The following ANO5 variants were observed in gnomAD, a reference collection of about 807,000 sequenced individuals.
The protein encoded by ANO5 is anoctamin 5, also known as anoctamin-5.
In ANO5, 109 loss-of-function variants were observed where a neutral mutation model predicts 121.0. That is an observed-to-expected ratio of 0.90 (90% CI 0.77 to 1.06). ANO5 has a LOEUF of 1.06. Ranked by LOEUF, ANO5 falls within the 50% of genes least tolerant of loss-of-function variation. The pLI, the probability that ANO5 is intolerant of heterozygous loss-of-function variation, is 0.00. For synonymous variants in ANO5, 406 were observed against 359.9 expected (o/e 1.13, Z -1.45); for missense variants, 1,064 against 1,078.5 (o/e 0.99, Z 0.19).
In ANO5 at chr11:22,199,440, A is replaced by G. The variant is rs1330924107; in HGVS notation, c.41-4364A>G. ...AGTACATTACTACACCATATAATTG[A>G]GGTTCTATTAGCAAAGAAGGAGGAG... On this transcript the variant is annotated intron_variant, in intron 1 of 21. Coordinates refer to ENST00000324559, the MANE Select transcript of ANO5 (RefSeq NM_213599.3). Among the ~76,000 whole-genome samples the G allele has an allele frequency of 2.6e-5, 4 of 152,086 alleles. No individual in the cohort carries two copies. In the South Asian group the frequency reaches 8.3e-4, roughly 32 times the overall value.
chr11:22,235,477 GA>G (rs1853183860), intron 7 of ANO5, among the ~76,000 whole-genome samples: 1 of 151,990 alleles, frequency 6.6e-6, no homozygotes, highest in Admixed American at 6.6e-5. Flanking sequence ...CTTGAATGGT[GA>G]AATGTAAAAG....
chr11:22,194,618 C>T (rs1851752524), intron 1 of ANO5, among the ~76,000 whole-genome samples: 1 of 152,192 alleles, frequency 6.6e-6, no homozygotes, highest in Non-Finnish European at 1.5e-5. Context: ...TCCCCACTTC[C>T]TACCAGTAAT....
rs1181735591 is a variant in ANO5, at chr11:22,281,296, A to G, written c.*1531A>G. ...AAATTATTGTGGTACTGCCAGTATT[A>G]AATATATGGCAGATGGTATTAACTA... On this transcript the variant is annotated 3_prime_UTR_variant, in exon 22 of 22. Transcript: ENST00000324559. The G allele has an allele frequency of 6.6e-6, 1 of 152,070 alleles. No individual in the cohort carries two copies. The highest frequency in any genetic ancestry group is 1.5e-5 in the Non-Finnish European group (1 of 67,914). 9.4% of individuals were successfully genotyped at this position (152,070 alleles called of 1,614,324 possible).
At chr11:22,272,671 TGTC>T (rs1854664881) in intron 18 of ANO5, 110 bp from the exon 19 acceptor site, 1 of 947,738 alleles carries the variant, frequency 1.1e-6, no homozygotes, top group East Asian at 2.6e-5. Flanking sequence ...AAGCCTGGAT[TGTC>T]GTATTCGTGT....
At chr11:22,244,038 GGT>G (rs1055161059) in intron 9 of ANO5, among the ~76,000 whole-genome samples, 1 of 151,864 alleles carries the variant, frequency 6.6e-6, no homozygotes, top group African/African-American at 2.4e-5. Flanking sequence ...TGTGATAGCA[GGT>G]GTTGTTCTTT....
At chr11:22,237,609 T>C (rs1310296173) in intron 8 of ANO5, among the ~76,000 whole-genome samples, 2 of 152,146 alleles carry the variant, frequency 1.3e-5, no homozygotes, top group African/African-American at 2.4e-5. Flanking sequence ...CAGGCTGTAA[T>C]TGAACTCCTG....
intron 1 of ANO5, among the ~76,000 whole-genome samples, chr11:22,197,036 A>G (rs1851833595): frequency 6.6e-6 from 1 of 152,228 alleles, no homozygotes; most frequent in South Asian, 2.1e-4. Flanking sequence ...AAATTTACCC[A>G]TATAGGTAAG....
rs71034576 is a variant in ANO5, at chr11:22,193,331, AAGG to A, written c.-158_-156del. On this transcript the variant is annotated 5_prime_UTR_variant, in exon 1 of 22. Transcript: ENST00000324559. The stretch of plus-strand genomic sequence containing the variant: ...GACGGTGGAGTCCGAGGAGGAGGAG[AAGG>A]AGGCCTGCAGAAGGAAGAGCAGGCC... 2.8e-6 allele frequency: 4 copies of A among 1,430,594 alleles called. No homozygotes were observed. The highest frequency in any genetic ancestry group is 3.7e-6 in the Non-Finnish European group (4 of 1,086,194). The allele number at this position is 1,430,594 out of a possible 1,614,324, so 88.6% of individuals were successfully genotyped here.
chr11:22,224,885 G>A (rs1245828824), intron 5 of ANO5, among the ~76,000 whole-genome samples: 1 of 152,024 alleles, frequency 6.6e-6, no homozygotes, highest in East Asian at 1.9e-4. Context: ...ATTATGTTAA[G>A]TGAAATAAAC....
chr11:22,221,593 C>T (rs1211539103), intron 5 of ANO5, among the ~76,000 whole-genome samples: 2 of 151,796 alleles, frequency 1.3e-5, no homozygotes, highest in African/African-American at 4.8e-5. Context: ...TTATATTGTA[C>T]TCTATTCCTG....
intron 16 of ANO5, among the ~76,000 whole-genome samples, chr11:22,262,518 T>C (rs1854223436): frequency 6.6e-6 from 1 of 152,194 alleles, no homozygotes; most frequent in African/African-American, 2.4e-5. Context: ...GGTTTAGCAG[T>C]AAAATATGAA....
intron 3 of ANO5, among the ~76,000 whole-genome samples, chr11:22,214,807 C>T (rs1852388175): frequency 6.6e-6 from 1 of 151,876 alleles, no homozygotes; most frequent in African/African-American, 2.4e-5. Context: ...TGGGATAATC[C>T]AACGTAATAT....
chr11:22,245,730 C>G (rs1041493400), intron 9 of ANO5, among the ~76,000 whole-genome samples: 1 of 152,154 alleles, frequency 6.6e-6, no homozygotes, highest in African/African-American at 2.4e-5. Flanking sequence ...GTGCCCCTCT[C>G]TGTTAGTCCA....
At chr11:22,232,517 C>T (rs975666993) in intron 7 of ANO5, among the ~76,000 whole-genome samples, 1 of 151,710 alleles carries the variant, frequency 6.6e-6, no homozygotes, top group Non-Finnish European at 1.5e-5. Flanking sequence ...TTTGAATATA[C>T]CCCACTTTCT....
At chr11:22,258,480 T>A (rs1564941107) in intron 14 of ANO5, among the ~76,000 whole-genome samples, 1 of 152,216 alleles carries the variant, frequency 6.6e-6, no homozygotes, top group Non-Finnish European at 1.5e-5. Context: ...TTTCTAGTTT[T>A]CATTTAATTT....
At chr11:22,226,939 T>G (rs1361413527) in intron 6 of ANO5, among the ~76,000 whole-genome samples, 5 of 152,112 alleles carry the variant, frequency 3.3e-5, no homozygotes, top group Admixed American at 3.3e-4. Context: ...TTTGAGCTTA[T>G]AGCTAGTTAC....
At chr11:22,193,006 T>C (rs567871160), upstream of ANO5, 631 of 984,922 alleles carry the variant, frequency 6.4e-4, 1 homozygote, top group Non-Finnish European at 7.2e-4. Flanking sequence ...CGGCCGGTCT[T>C]GCGGTCTGGA....
chr11:22,274,134 G>T (rs1854740171), intron 19 of ANO5, among the ~76,000 whole-genome samples: 1 of 150,834 alleles, frequency 6.6e-6, no homozygotes, highest in African/African-American at 2.4e-5. Flanking sequence ...ATGATATTCT[G>T]CTTCTTCATT....
At chr11:22,257,597 G>A in intron 13 of ANO5, 83 bp from the exon 14 acceptor site, 1 of 1,128,332 alleles carries the variant, frequency 8.9e-7, no homozygotes, top group Non-Finnish European at 1.3e-6. Flanking sequence ...ACTTTAACTG[G>A]GCTCTGTGAT....
Sources: allele counts gnomAD v4.1 joint callset (sites outside exome capture counted in the v4.1 genomes callset), GRCh38; gene constraint gnomAD v4.1.1; transcripts MANE v1.5; gene names NCBI Gene and HGNC (gene_info 2026-07-23, HGNC 2026-07-21).